Variants in VPS13B observed in about 807,000 individuals in gnomAD.
VPS13B encodes the protein intermembrane lipid transfer protein VPS13B.
A neutral mutation model predicts 426.4 loss-of-function variants in VPS13B; 285 were observed. That is an observed-to-expected ratio of 0.67 (90% CI 0.61 to 0.74). VPS13B has a LOEUF of 0.74. Ranked by LOEUF, VPS13B falls within the 30% of genes least tolerant of loss-of-function variation. VPS13B has a pLI of 0.00. For synonymous variants in VPS13B, 1,676 were observed against 1,676.4 expected (o/e 1.00, Z 0.01); for missense variants, 4,537 against 4,782.6 (o/e 0.95, Z 1.51).
chr8:99,742,824 C>G (rs568836963), intron 39 of VPS13B, among the ~76,000 whole-genome samples: 3 of 152,120 alleles, frequency 2.0e-5, no homozygotes, highest in Admixed American at 6.5e-5. Flanking sequence ...TGGGACGTAT[C>G]TCAAAATAAT....
chr8:99,791,889 C>T (rs556028770), intron 43 of VPS13B, among the ~76,000 whole-genome samples: 2 of 152,224 alleles, frequency 1.3e-5, no homozygotes, highest in African/African-American at 4.8e-5. Context: ...GGTGGCCTAT[C>T]ATCTTTCTGG....
At chr8:99,819,686 C>A in intron 48 of VPS13B, 104 bp downstream of exon 48, 1 of 1,338,472 alleles carries the variant, frequency 7.5e-7, no homozygotes, top group Non-Finnish European at 1.0e-6. Flanking sequence ...ATGTATCTGT[C>A]AGATTCTTAC....
rs534147910 is a variant in VPS13B, at chr8:99,697,069, G to T, written c.6047-2456G>T. The stretch of plus-strand genomic sequence containing the variant: ...ACCTGCATCAGGAGATTCCCATATC[G>T]CTACTCATCCTGTCCCAGACGATGT... On this transcript the variant is annotated intron_variant, in intron 35 of 61. Coordinates refer to ENST00000357162, the MANE Select transcript of VPS13B (RefSeq NM_152564.5). 5.6e-6 allele frequency: 3 copies of T among 539,124 alleles called. No individual in the cohort carries two copies. In the East Asian group the frequency reaches 1.1e-4, roughly 21 times the overall value. The allele number at this position is 539,124 out of a possible 1,614,324, so 33.4% of individuals were successfully genotyped here.
intron 23 of VPS13B, among the ~76,000 whole-genome samples, chr8:99,462,412 A>G (rs1007488576): frequency 1.3e-5 from 2 of 151,208 alleles, no homozygotes; most frequent in African/African-American, 4.9e-5. Flanking sequence ...CTGGATAACC[A>G]CTCTCTTTTG....
Position 99,129,362 on chromosome 8 carries a change from A to G in VPS13B, c.1207-5270A>G, listed in dbSNP as rs558520263. ...AGTTTTTTTAATATCAAAAGTCCTGACATATAGCCTGGGCAACATAGTGAG... is the reference window on the plus strand; with the variant it reads ...AGTTTTTTTAATATCAAAAGTCCTGGCATATAGCCTGGGCAACATAGTGAG... On this transcript the variant is annotated intron_variant, in intron 8 of 61. Transcript: ENST00000357162. Among the ~76,000 whole-genome samples, 3 of 151,872 alleles carry G rather than the reference A, an allele frequency of 2.0e-5. No homozygotes were observed. In the East Asian group the frequency reaches 5.8e-4, roughly 29 times the overall value.
intron 21 of VPS13B, among the ~76,000 whole-genome samples, chr8:99,397,395 G>A (rs1202395938): frequency 1.3e-5 from 2 of 152,090 alleles, no homozygotes; most frequent in Admixed American, 6.5e-5. Context: ...TGCCCGCCTC[G>A]GCGTTCCAAA....
At chr8:99,087,483 C>G (rs1845887702) in intron 3 of VPS13B, among the ~76,000 whole-genome samples, 1 of 151,990 alleles carries the variant, frequency 6.6e-6, no homozygotes. Context: ...CTTTCTGACA[C>G]TCCCCAGTGA....
chr8:99,579,461 G>A (rs189240305), intron 33 of VPS13B, among the ~76,000 whole-genome samples: 41 of 151,930 alleles, frequency 2.7e-4, no homozygotes, highest in African/African-American at 8.9e-4. Context: ...GCAGTAGTGC[G>A]ATCTCAGCCC....
intron 39 of VPS13B, among the ~76,000 whole-genome samples, chr8:99,727,237 T>A (rs956476855): frequency 6.6e-6 from 1 of 152,198 alleles, no homozygotes; most frequent in African/African-American, 2.4e-5. Flanking sequence ...AGAATGACAG[T>A]GAGCCACCTC....
At position 99,223,742 on chromosome 8, in the gene VPS13B, A is replaced by G. The variant is rs188038679; in HGVS notation, c.2515+30685A>G. 6.1e-3 allele frequency among the ~76,000 whole-genome samples: 928 copies of G among 152,332 alleles called. 13 individuals are homozygous for G. Among genetic ancestry groups the G allele is most frequent in the African/African-American group, 0.021 (880 of 41,576 alleles). ...TCTAATCTACAAAGAACGTATTTTC[A>G]TATGTGTATAAAATTGAATAGAGAT... On this transcript the variant is annotated intron_variant, in intron 17 of 61. Transcript: ENST00000357162.
intron 19 of VPS13B, among the ~76,000 whole-genome samples, chr8:99,311,887 G>T (rs1343464086): frequency 4.6e-5 from 7 of 152,190 alleles, no homozygotes; most frequent in African/African-American, 1.7e-4. Context: ...AGGGTAGTTT[G>T]CTCTTCTTGT....
chr8:99,370,935 A>C (rs1813146080), intron 19 of VPS13B, among the ~76,000 whole-genome samples: 2 of 152,128 alleles, frequency 1.3e-5, no homozygotes, highest in South Asian at 4.1e-4. Context: ...AAAAGTAATT[A>C]TATCTTTAGT....
intron 23 of VPS13B, among the ~76,000 whole-genome samples, chr8:99,449,726 A>C (rs930565866): frequency 4.6e-5 from 7 of 152,196 alleles, no homozygotes; most frequent in African/African-American, 1.7e-4. Context: ...TTATAAATGT[A>C]GCCAATAAGA....
At chr8:99,654,822 C>G (rs2129690887) in intron 34 of VPS13B, among the ~76,000 whole-genome samples, 1 of 151,360 alleles carries the variant, frequency 6.6e-6, no homozygotes, top group South Asian at 2.1e-4. Flanking sequence ...TAAGAAACAC[C>G]TTTATTTGTT....
intron 50 of VPS13B, among the ~76,000 whole-genome samples, chr8:99,822,962 G>A (rs965554611): frequency 6.6e-6 from 1 of 152,050 alleles, no homozygotes; most frequent in Non-Finnish European, 1.5e-5. Flanking sequence ...TTTGACCGTG[G>A]GACCCCATGC....
At chr8:99,792,674 T>C (rs1440612587) in intron 43 of VPS13B, among the ~76,000 whole-genome samples, 6 of 152,110 alleles carry the variant, frequency 3.9e-5, no homozygotes, top group Admixed American at 3.3e-4. Context: ...GCCCTTGTCT[T>C]ACAGCCACAA....
At chr8:99,370,810 A>G (rs755340368) in intron 19 of VPS13B, among the ~76,000 whole-genome samples, 3 of 151,984 alleles carry the variant, frequency 2.0e-5, no homozygotes, top group Non-Finnish European at 4.4e-5. Flanking sequence ...GTGATTCACC[A>G]TTTTGGCCAG....
chr8:99,831,770 A>T (rs1815075540), intron 51 of VPS13B, among the ~76,000 whole-genome samples: 1 of 152,240 alleles, frequency 6.6e-6, no homozygotes, highest in South Asian at 2.1e-4. Flanking sequence ...AGATGATTTA[A>T]GTTATACTGT....
intron 17 of VPS13B, among the ~76,000 whole-genome samples, chr8:99,258,347 T>A (rs1450833810): frequency 2.6e-5 from 4 of 151,980 alleles, no homozygotes; most frequent in Non-Finnish European, 5.9e-5. Flanking sequence ...TACTAAATGA[T>A]CACCATTGGG....
Sources: allele counts gnomAD v4.1 joint callset (sites outside exome capture counted in the v4.1 genomes callset), GRCh38; gene constraint gnomAD v4.1.1; transcripts MANE v1.5; gene names NCBI Gene and HGNC (gene_info 2026-07-23, HGNC 2026-07-21).